FOCAD: variants seen among roughly 807,000 people sequenced by gnomAD.
The protein encoded by FOCAD is KIAA1797.
In FOCAD, 198 loss-of-function variants were observed where a neutral mutation model predicts 225.6. The ratio of observed to expected loss-of-function variants is 0.88; its 90% CI spans 0.78 to 0.99. FOCAD has a LOEUF of 0.99. Among genes scored for constraint, FOCAD ranks in the 50% least tolerant of loss-of-function variants. The pLI is 0.00. For synonymous variants in FOCAD, 897 were observed against 755.0 expected (o/e 1.19, Z -3.08); for missense variants, 2,713 against 2,123.6 (o/e 1.28, Z -5.46).
At chr9:20,931,598 G>A (rs1390698667) in intron 27 of FOCAD, among the ~76,000 whole-genome samples, 4 of 152,204 alleles carry the variant, frequency 2.6e-5, no homozygotes, top group Non-Finnish European at 4.4e-5. Context: ...GTGTCCCAAT[G>A]TGGTCCTTTA....
intron 4 of FOCAD, among the ~76,000 whole-genome samples, chr9:20,722,099 T>A (rs7027768): frequency 7.0e-6 from 1 of 143,708 alleles, no homozygotes; most frequent in Admixed American, 7.0e-5. Context: ...CTATGCTGCC[T>A]GGGCATTATT....
chr9:20,691,767 A>G (rs1456329281), intron 1 of FOCAD, among the ~76,000 whole-genome samples: 2 of 141,668 alleles, frequency 1.4e-5, no homozygotes, highest in Non-Finnish European at 3.0e-5. Flanking sequence ...GGCATGAGCC[A>G]CCAAGCCCGG....
intron 40 of FOCAD, among the ~76,000 whole-genome samples, chr9:20,987,004 C>T (rs1180071718): frequency 6.6e-6 from 1 of 152,102 alleles, no homozygotes; most frequent in East Asian, 1.9e-4. Flanking sequence ...TTAATAATTA[C>T]TGAATAAGAG....
intron 4 of FOCAD, among the ~76,000 whole-genome samples, chr9:20,727,266 C>G (rs888532610): frequency 2.6e-5 from 4 of 152,088 alleles, no homozygotes; most frequent in African/African-American, 9.7e-5. Flanking sequence ...CTTTTCTGAT[C>G]TAGCACATTC....
At chr9:20,973,730 A>G (rs1315040904) in intron 35 of FOCAD, among the ~76,000 whole-genome samples, 1 of 147,658 alleles carries the variant, frequency 6.8e-6, no homozygotes, top group Non-Finnish European at 1.5e-5. Flanking sequence ...GCATCTGTTC[A>G]TGGCCTCTGC....
In FOCAD at chr9:20,696,387, G is replaced by C. The variant is rs548488924; in HGVS notation, c.-33+12094G>C. On this transcript the variant is annotated intron_variant, in intron 1 of 43. Transcript: ENST00000338382. ...AGATGAGGTGATATGTTTGATTGTG[G>C]AAATCATTTCACACTGTATACATAT... Among the ~76,000 whole-genome samples, 90 of 152,266 alleles carry C rather than the reference G, an allele frequency of 5.9e-4. No individual in the cohort carries two copies. In the East Asian group the frequency reaches 0.012, roughly 21 times the overall value.
At chr9:20,882,996 C>T (rs1400306445) in intron 20 of FOCAD, among the ~76,000 whole-genome samples, 1 of 152,124 alleles carries the variant, frequency 6.6e-6, no homozygotes, top group African/African-American at 2.4e-5. Context: ...ATAATCAGTC[C>T]TAACCCAGAT....
Position 20,976,425 on chromosome 9 carries a change from G to C in FOCAD, c.4138G>C (p.Glu1380Gln), listed in dbSNP as rs1840238378. Residue 1380 changes from glutamate to glutamine, a missense_variant, in exon 36 of 44, where the codon GAA becomes CAA. Glu to Gln is a conservative substitution (Grantham distance 29). Coordinates refer to ENST00000338382, the MANE Select transcript of FOCAD (RefSeq NM_001375567.1). ...TTTTTCACTGTCTGTTATAGGTCCT[G>C]AATCTGTGCCTCCTTCCCTTCTTAA... Reference protein sequence around the residue: ...FFITGGKKGPESVPPSLLKVV... With the variant: ...FFITGGKKGPQSVPPSLLKVV... 6.2e-7 allele frequency: 1 copy of C among 1,612,860 alleles called. No individual in the cohort carries two copies. Among genetic ancestry groups the C allele is most frequent in the Non-Finnish European group, 8.5e-7 (1 of 1,179,080 alleles).
chr9:20,866,963 T>C lies in FOCAD; in HGVS notation c.2141T>C (p.Leu714Pro). ...GTAGCAAATGCTGCATATAGATCCC[T>C]GGCCAACTTTAGTGCAGGAGAACAC... ...PIVANAAYRS[L>P]ANFSAGEHTI... Residue 714 changes from leucine (L) to proline (P), a missense_variant, in exon 18 of 44, where the codon CTG becomes CCG. Coordinates refer to ENST00000338382, the MANE Select transcript of FOCAD (RefSeq NM_001375567.1). 1 of 1,439,616 alleles carries C rather than the reference T, an allele frequency of 6.9e-7. No individual in the cohort carries two copies. The allele number at this position is 1,439,616 out of a possible 1,614,324, so 89.2% of individuals were successfully genotyped here.
chr9:20,969,970 A>T (rs1839618602), intron 35 of FOCAD, among the ~76,000 whole-genome samples: 1 of 144,586 alleles, frequency 6.9e-6, no homozygotes, highest in Non-Finnish European at 1.5e-5. Flanking sequence ...GTTTTGTTGG[A>T]TACAGCATTT....
chr9:20,784,503 G>C (rs543003263), intron 10 of FOCAD, among the ~76,000 whole-genome samples: 1 of 152,186 alleles, frequency 6.6e-6, no homozygotes, highest in African/African-American at 2.4e-5. Flanking sequence ...AGGGGAGTAA[G>C]GGTGGATGGG....
intron 11 of FOCAD, among the ~76,000 whole-genome samples, chr9:20,798,478 G>A (rs531467139): frequency 7.9e-5 from 12 of 152,146 alleles, no homozygotes; most frequent in African/African-American, 2.7e-4. Flanking sequence ...ATCTGGTCCT[G>A]GACTTTTTTT....
At chr9:20,956,443 T>C (rs1372341931) in intron 35 of FOCAD, among the ~76,000 whole-genome samples, 2 of 152,206 alleles carry the variant, frequency 1.3e-5, no homozygotes, top group Non-Finnish European at 1.5e-5. Flanking sequence ...TCCTCTGTCA[T>C]GTCACCACTT....
intron 11 of FOCAD, among the ~76,000 whole-genome samples, chr9:20,795,318 G>T (rs948708707): frequency 6.6e-6 from 1 of 152,152 alleles, no homozygotes. Flanking sequence ...GATTTTAGGA[G>T]CTAGTTCAGG....
At chr9:20,784,303 C>T (rs1819690746) in intron 10 of FOCAD, among the ~76,000 whole-genome samples, 2 of 152,178 alleles carry the variant, frequency 1.3e-5, no homozygotes, top group African/African-American at 4.8e-5. Context: ...TTCTTCCTTT[C>T]CTTGCAGTGT....
At chr9:20,766,362 C>G (rs566217516) in intron 7 of FOCAD, among the ~76,000 whole-genome samples, 1 of 152,164 alleles carries the variant, frequency 6.6e-6, no homozygotes, top group Non-Finnish European at 1.5e-5. Context: ...GAGGGTTGGA[C>G]GTGGTCTTAG....
chr9:20,840,477 T>C (rs1826410066), intron 15 of FOCAD, among the ~76,000 whole-genome samples: 1 of 151,254 alleles, frequency 6.6e-6, no homozygotes, highest in Non-Finnish European at 1.5e-5. Context: ...CTTTTACTTC[T>C]TTGGTTAAGT....
intron 1 of FOCAD, among the ~76,000 whole-genome samples, chr9:20,701,184 T>C (rs925949925): frequency 6.6e-6 from 1 of 152,224 alleles, no homozygotes; most frequent in Non-Finnish European, 1.5e-5. Context: ...TGCCAAGTTT[T>C]AGTTCAAGCC....
chr9:20,764,450 C>T (rs1829884426), intron 6 of FOCAD, among the ~76,000 whole-genome samples: 2 of 152,192 alleles, frequency 1.3e-5, no homozygotes, highest in South Asian at 4.1e-4. Flanking sequence ...GACAGTGTTT[C>T]ACCATGTTGG....
Sources: allele counts gnomAD v4.1 joint callset (sites outside exome capture counted in the v4.1 genomes callset), GRCh38; gene constraint gnomAD v4.1.1; transcripts MANE v1.5; gene names NCBI Gene and HGNC (gene_info 2026-07-23, HGNC 2026-07-21).